The following DNAH5 variants were observed in gnomAD, a reference collection of about 807,000 sequenced individuals.
The protein encoded by DNAH5 is axonemal beta dynein heavy chain 5.
DNAH5 carries 372 observed loss-of-function variants against 518.2 expected under a neutral mutation model. That is an observed-to-expected ratio of 0.72 (90% CI 0.66 to 0.78). The LOEUF is 0.78. Ranked by LOEUF, DNAH5 falls within the 30% of genes least tolerant of loss-of-function variation. The probability of loss-of-function intolerance (pLI) is 0.00; values close to 1 mark genes in which losing one functional copy is unlikely to be tolerated. For synonymous variants in DNAH5, 2,039 were observed against 2,025.9 expected (o/e 1.01, Z -0.17); for missense variants, 5,523 against 5,687.0 (o/e 0.97, Z 0.93).
At chr5:13,934,727 T>A (rs1177241349) in intron 1 of DNAH5, among the ~76,000 whole-genome samples, 6 of 152,196 alleles carry the variant, frequency 3.9e-5, no homozygotes, top group Non-Finnish European at 7.3e-5. Context: ...GTAATTGACA[T>A]ACATTTCTCT....
At chr5:13,759,987 C>A (rs1478336243) in intron 60 of DNAH5, among the ~76,000 whole-genome samples, 2 of 152,128 alleles carry the variant, frequency 1.3e-5, no homozygotes, top group African/African-American at 4.8e-5. Context: ...TTGACTAGAT[C>A]CAGTGATGGG....
At chr5:13,836,890 T>G (rs1764466261) in intron 35 of DNAH5, among the ~76,000 whole-genome samples, 1 of 151,492 alleles carries the variant, frequency 6.6e-6, no homozygotes. Flanking sequence ...GGAGGGGAGA[T>G]TCAAAGCACG....
At chr5:13,698,748 G>C (rs1034878121) in intron 78 of DNAH5, among the ~76,000 whole-genome samples, 1 of 152,186 alleles carries the variant, frequency 6.6e-6, no homozygotes, top group African/African-American at 2.4e-5. Context: ...CAACAAACAG[G>C]ACACTTAGTT....
chr5:13,989,984 C>T (rs1333295611), intron 1 of DNAH5, among the ~76,000 whole-genome samples: 1 of 152,130 alleles, frequency 6.6e-6, no homozygotes, highest in East Asian at 1.9e-4. Flanking sequence ...CTATTACCAT[C>T]CCCATTTTTA....
Position 13,716,637 on chromosome 5 carries a change from G to A in DNAH5, c.12759C>T (p.Gly4253=), listed in dbSNP as rs1744313112. 6.2e-7 allele frequency: 1 copy of A among 1,613,806 alleles called. No individual in the cohort carries two copies. Among genetic ancestry groups the A allele is most frequent in the Admixed American group, 1.7e-5 (1 of 60,000 alleles). Residue 4253 remains glycine, a synonymous_variant, in exon 74 of 79, where the codon GGC becomes GGT. Transcript: ENST00000265104. ...RYMIGEIQYG[G]RVTDDYDKRL... ...TCTTATCATAGTCGTCAGTGACTCT[G>A]CCTCCATATTGAATCTCTCCTATCA...
chr5:13,914,930 C>A (rs932088696), intron 9 of DNAH5, among the ~76,000 whole-genome samples: 1 of 151,988 alleles, frequency 6.6e-6, no homozygotes, highest in Non-Finnish European at 1.5e-5. Flanking sequence ...CATTTCCTTC[C>A]CTGAAAACTG....
chr5:13,890,583 A>G (rs1773087142), intron 17 of DNAH5, among the ~76,000 whole-genome samples: 1 of 152,154 alleles, frequency 6.6e-6, no homozygotes, highest in South Asian at 2.1e-4. Flanking sequence ...CCAGTTTGGG[A>G]AACCCCCCCT....
chr5:13,977,264 G>A (rs1374375217), intron 1 of DNAH5, among the ~76,000 whole-genome samples: 1 of 152,126 alleles, frequency 6.6e-6, no homozygotes, highest in Non-Finnish European at 1.5e-5. Flanking sequence ...GATCACTCAG[G>A]TGGAGGCTTG....
intron 1 of DNAH5, among the ~76,000 whole-genome samples, chr5:14,007,297 G>C (rs1255038935): frequency 6.6e-6 from 1 of 152,188 alleles, no homozygotes; most frequent in East Asian, 1.9e-4. Context: ...AGGCTAAACA[G>C]TGTTCAGAAA....
chr5:13,932,203 ATG>A (rs1208545071), intron 1 of DNAH5: 4 of 152,262 alleles, frequency 2.6e-5, no homozygotes, highest in South Asian at 2.1e-4. Flanking sequence ...GGCTGGCAGG[ATG>A]TGAGCTGAAA....
intron 26 of DNAH5, 133 bp from the exon 27 acceptor site, chr5:13,866,039 T>C: frequency 1.1e-6 from 1 of 878,722 alleles, no homozygotes; most frequent in Non-Finnish European, 1.8e-6. Flanking sequence ...GAATACTAAG[T>C]TGGCATAATT....
intron 70 of DNAH5, among the ~76,000 whole-genome samples, chr5:13,726,673 A>G (rs1289340189): frequency 6.6e-6 from 1 of 152,216 alleles, no homozygotes; most frequent in Non-Finnish European, 1.5e-5. Flanking sequence ...TCTTTTCTCA[A>G]TAAATCATTG....
intron 21 of DNAH5, among the ~76,000 whole-genome samples, chr5:13,882,355 TAA>T (rs749877963): frequency 7.2e-5 from 10 of 138,618 alleles, no homozygotes; most frequent in African/African-American, 8.0e-5. Flanking sequence ...CACTACAATT[TAA>T]AAAAAAAAAA....
At chr5:13,815,640 G>A (rs1644922511) in intron 42 of DNAH5, among the ~76,000 whole-genome samples, 1 of 152,072 alleles carries the variant, frequency 6.6e-6, no homozygotes, top group South Asian at 2.1e-4. Context: ...CCCAAACTAA[G>A]GTGATCACGT....
Position 13,830,734 on chromosome 5 carries a change from C to G in DNAH5, c.5924G>C (p.Gly1975Ala), listed in dbSNP as rs781581283. The change falls in exon 36 of 79, where the codon GGG becomes GCG. Residue 1975 changes from glycine to alanine, a missense_variant. Physicochemically the swap from Gly to Ala is moderately conservative, Grantham distance 60. Transcript: ENST00000265104. ...TLAQALGMSM[G>A]GAPAGPAGTG... The stretch of plus-strand genomic sequence containing the variant: ...GCCTGCAGGTCCAGCAGGGGCTCCC[C>G]CCATGCTCATTCCCAGAGCTTGAGC... 1.2e-6 allele frequency: 2 copies of G among 1,614,192 alleles called. No individual in the cohort carries two copies. Among genetic ancestry groups the G allele is most frequent in the Admixed American group, 3.3e-5 (2 of 60,024 alleles).
Position 13,901,476 on chromosome 5 carries a change from G to C in DNAH5, c.1828C>G (p.Gln610Glu), listed in dbSNP as rs121908853. ...IDMISKLYTK[Q>E]KYDPPLARNQ... ...CGAGCCAGAGGAGGATCGTATTTCT[G>C]CTTTGTATACAGCTTTGAAATCATA... The change falls in exon 14 of 79, where the codon CAG becomes GAG. Residue 610 changes from glutamine (Q) to glutamate (E), a missense_variant. By Grantham distance (29) the Gln-to-Glu change is conservative. Coordinates refer to ENST00000265104, the MANE Select transcript of DNAH5 (RefSeq NM_001369.3). 6.2e-7 allele frequency: 1 copy of C among 1,613,900 alleles called. No homozygotes were observed. The highest frequency in any genetic ancestry group is 8.5e-7 in the Non-Finnish European group (1 of 1,179,984).
At chr5:13,845,042 C>T (rs10041099) in intron 31 of DNAH5, 49 bp from the exon 32 acceptor site, 30 of 1,584,370 alleles carry the variant, frequency 1.9e-5, no homozygotes, top group African/African-American at 5.4e-5. Context: ...CAAAGCTGGT[C>T]GTTCAAGGAA....
intron 65 of DNAH5, among the ~76,000 whole-genome samples, chr5:13,740,776 ACATTCTCAGTAAGCCC>A (rs1373964826): frequency 6.6e-6 from 1 of 152,102 alleles, no homozygotes; most frequent in Non-Finnish European, 1.5e-5. Context: ...CTCAAATGTC[ACATTCTCAGTAAGCCC>A]CACTGTGACC....
chr5:13,969,143 T>C (rs1411444103), intron 1 of DNAH5, among the ~76,000 whole-genome samples: 1 of 152,218 alleles, frequency 6.6e-6, no homozygotes, highest in Non-Finnish European at 1.5e-5. Context: ...CTTTTGTATT[T>C]CTGTGGTATC....
Sources: allele counts gnomAD v4.1 joint callset (sites outside exome capture counted in the v4.1 genomes callset), GRCh38; gene constraint gnomAD v4.1.1; transcripts MANE v1.5; gene names NCBI Gene and HGNC (gene_info 2026-07-23, HGNC 2026-07-21).